The following TMEM233 variants were observed in gnomAD, a reference collection of about 807,000 sequenced individuals.
The protein encoded by TMEM233 is dispanin subfamily B member 2.
A neutral mutation model predicts 11.2 loss-of-function variants in TMEM233; 6 were observed. The observed-to-expected ratio is 0.54, with a 90% confidence interval of 0.29 to 1.06. The LOEUF (loss-of-function observed/expected upper bound fraction) is 1.06, where lower values mean the gene tolerates loss of function less well. TMEM233 is among the 50% of genes least tolerant of loss of function. The pLI is 0.08. For missense variants in TMEM233, 127 were observed against 144.7 expected (o/e 0.88, Z 0.63); for synonymous variants, 59 against 55.8 (o/e 1.06, Z -0.26).
intron 1 of TMEM233, among the ~76,000 whole-genome samples, chr12:119,612,118 T>C (rs547902253): frequency 6.6e-6 from 1 of 152,034 alleles, no homozygotes; most frequent in Non-Finnish European, 1.5e-5. Flanking sequence ...GTCAGCCTCC[T>C]GAGTAGCTGG....
chr12:119,636,149 T>C (rs1954966048), intron 2 of TMEM233, among the ~76,000 whole-genome samples: 1 of 152,142 alleles, frequency 6.6e-6, no homozygotes, highest in African/African-American at 2.4e-5. Flanking sequence ...CTGGTTCCCC[T>C]GGCAACCCAC....
At chr12:119,632,113 G>A (rs1457534430) in intron 2 of TMEM233, among the ~76,000 whole-genome samples, 1 of 152,230 alleles carries the variant, frequency 6.6e-6, no homozygotes, top group East Asian at 1.9e-4. Context: ...TTTGAGCTAA[G>A]TGGGTTATAA....
chr12:119,621,972 C>T (rs1954652844), intron 1 of TMEM233, among the ~76,000 whole-genome samples: 1 of 152,160 alleles, frequency 6.6e-6, no homozygotes, highest in African/African-American at 2.4e-5. Flanking sequence ...GAGTATATTA[C>T]AATATCCACA....
chr12:119,623,226 G>T lies in TMEM233; in HGVS notation c.187-6510G>T, dbSNP rs116132758. ...AACTGTTTTTTCATCCAAACAGCCAGGAGTTGCCATTTAGAAAAGAGAGGG... is the reference window on the plus strand; with the variant it reads ...AACTGTTTTTTCATCCAAACAGCCATGAGTTGCCATTTAGAAAAGAGAGGG... On this transcript the variant is annotated intron_variant, in intron 1 of 2. Transcript: ENST00000426426. 6.0e-3 allele frequency among the ~76,000 whole-genome samples: 918 copies of T among 152,248 alleles called. 7 individuals are homozygous for T. The highest frequency in any genetic ancestry group is 0.021 in the African/African-American group (872 of 41,540).
chr12:119,603,409 G>A (rs941228348), intron 1 of TMEM233, among the ~76,000 whole-genome samples: 1 of 152,198 alleles, frequency 6.6e-6, no homozygotes, highest in Admixed American at 6.5e-5. Context: ...TGTGGTTGAG[G>A]TAGAGCTTGT....
At chr12:119,619,624 G>C (rs1033387732) in intron 1 of TMEM233, among the ~76,000 whole-genome samples, 1 of 150,164 alleles carries the variant, frequency 6.7e-6, no homozygotes, top group African/African-American at 2.5e-5. Context: ...CTGGGTGACA[G>C]AGCGAGATCC....
chr12:119,647,239 A>G (rs900875320), downstream of TMEM233, among the ~76,000 whole-genome samples: 2 of 152,114 alleles, frequency 1.3e-5, no homozygotes, highest in African/African-American at 4.8e-5. Context: ...AAAGGTCTTT[A>G]TTACTAAAAG....
At chr12:119,633,352 G>A (rs1954921691) in intron 2 of TMEM233, among the ~76,000 whole-genome samples, 1 of 152,110 alleles carries the variant, frequency 6.6e-6, no homozygotes. Flanking sequence ...GGCAAAGATG[G>A]AAGGATCTCT....
In TMEM233 at chr12:119,593,945, A is replaced by T. The variant is rs1953971140; in HGVS notation, c.97A>T (p.Met33Leu). The part of the protein sequence containing the change: ...EDDKTEEDVP[M>L]PKNYLWLTIV... ...TGACAAGACCGAGGAGGACGTGCCC[A>T]TGCCCAAGAACTACCTGTGGCTCAC... is the stretch of plus-strand genomic sequence containing the variant. Residue 33 changes from methionine (M) to leucine (L), a missense_variant, in exon 1 of 3, where the codon ATG becomes TTG. By Grantham distance (15) the Met-to-Leu change is conservative. Coordinates refer to ENST00000426426, the MANE Select transcript of TMEM233 (RefSeq NM_001136534.3). The surrounding 1 kb of genome is among the most constrained non-coding windows in gnomAD (Gnocchi z 4.1). 1.3e-6 allele frequency: 2 copies of T among 1,551,616 alleles called. No individual in the cohort carries two copies. Among genetic ancestry groups the T allele is most frequent in the African/African-American group, 2.7e-5 (2 of 73,066 alleles).
intron 1 of TMEM233, among the ~76,000 whole-genome samples, chr12:119,605,794 C>A (rs542026786): frequency 6.6e-5 from 10 of 152,186 alleles, no homozygotes; most frequent in Admixed American, 1.3e-4. Context: ...AACAGATTTA[C>A]CCCCATCAAT....
At chr12:119,631,489 TAAAAG>T (rs1340472499) in intron 2 of TMEM233, 164 of 985,140 alleles carry the variant, frequency 1.7e-4, no homozygotes, top group Non-Finnish European at 1.9e-4. Context: ...TTTGGCCAAA[TAAAAG>T]AGAAAAGGAC....
At chr12:119,651,619 C>A in the TMEM233 span, among the ~76,000 whole-genome samples, 2 of 150,960 alleles carry the variant, frequency 1.3e-5, no homozygotes, top group Non-Finnish European at 2.9e-5. Context: ...GCGGTCAAGA[C>A]CATCCTGGCC....
downstream of TMEM233, chr12:119,643,104 G>C (rs1955108699): frequency 6.6e-6 from 1 of 152,184 alleles, no homozygotes; most frequent in Admixed American, 6.5e-5. Context: ...GTTTTCTTGG[G>C]GTTCCCCACC....
chr12:119,600,785 G>A (rs1954147437), intron 1 of TMEM233, among the ~76,000 whole-genome samples: 2 of 152,146 alleles, frequency 1.3e-5, no homozygotes, highest in South Asian at 4.1e-4. Flanking sequence ...GAGACTATGG[G>A]GAGAGGGAAA....
In TMEM233 at chr12:119,611,761, G is replaced by C. The variant is rs546449127; in HGVS notation, c.186+17727G>C. On this transcript the variant is annotated intron_variant, in intron 1 of 2. Transcript: ENST00000426426. ...TGGCTCCCAACATGAACACTGGGAG[G>C]GGGTACAGATTCAAAGGCAAACATC... is the stretch of plus-strand genomic sequence containing the variant. Among the ~76,000 whole-genome samples the C allele has an allele frequency of 7.2e-5, 11 of 152,116 alleles. No individual in the cohort carries two copies. The South Asian group carries it at 1.7e-3, about 23-fold the overall frequency.
the TMEM233 span, among the ~76,000 whole-genome samples, chr12:119,650,157 C>CAAAA: frequency 5.4e-5 from 7 of 129,010 alleles, no homozygotes; most frequent in East Asian, 2.3e-4. Context: ...GACTCCATCT[C>CAAAA]AAAAAAAAAA....
chr12:119,649,597 G>A, the TMEM233 span, among the ~76,000 whole-genome samples: 1 of 152,094 alleles, frequency 6.6e-6, no homozygotes, highest in African/African-American at 2.4e-5. Flanking sequence ...CAAAAACTGA[G>A]CAACTGTTGC....
the TMEM233 span, among the ~76,000 whole-genome samples, chr12:119,649,159 G>C: frequency 6.6e-6 from 1 of 152,114 alleles, no homozygotes; most frequent in African/African-American, 2.4e-5. Context: ...TTAGCCGAGA[G>C]TGGTGGTGCA....
chr12:119,614,942 ATC>A (rs1954490347), intron 1 of TMEM233, among the ~76,000 whole-genome samples: 1 of 151,114 alleles, frequency 6.6e-6, no homozygotes. Context: ...GCCTTATCTC[ATC>A]TCTCTCCTCT....
Sources: gnomAD v4.1 joint callset for allele counts (sites outside exome capture counted in the v4.1 genomes callset) on GRCh38, gnomAD v4.1.1 for gene constraint, Gnocchi (gnomAD v3.1) non-coding constraint, MANE v1.5 for transcripts, NCBI Gene and HGNC (gene_info 2026-07-23, HGNC 2026-07-21) for gene names.